Variants in CCDC201 observed in about 807,000 individuals in gnomAD.
CCDC201 encodes coiled-coil domain-containing protein 201.
intron 1 of CCDC201, among the ~76,000 whole-genome samples, chr7:45,870,983 T>A (rs1786736531): frequency 6.6e-6 from 1 of 152,206 alleles, no homozygotes; most frequent in Admixed American, 6.5e-5. Context: ...CAAGGTAACA[T>A]TAAGTATATT....
intron 1 of CCDC201, 98 bp from the exon 2 acceptor site, chr7:45,866,592 G>C (rs1786674725): frequency 6.6e-6 from 1 of 152,226 alleles, no homozygotes; most frequent in Non-Finnish European, 1.5e-5. Context: ...ATTTAAGCAT[G>C]ATGGCCCCAT....
chr7:45,881,160 T>C, the CCDC201 span, among the ~76,000 whole-genome samples: 1 of 152,124 alleles, frequency 6.6e-6, no homozygotes, highest in African/African-American at 2.4e-5. Context: ...AGTTTTTATA[T>C]GGGTGGCGAA....
chr7:45,872,167 C>T lies in CCDC201; in HGVS notation c.18+823G>A, dbSNP rs573478490. ...ATACTTTTGATCACTTTTGAAACCA[C>T]AGGCATGCATTTTCTATTTATAAAT... On this transcript the variant is annotated intron_variant, in intron 1 of 2. Coordinates refer to ENST00000636578, the Ensembl canonical transcript of CCDC201. 2.0e-5 allele frequency among the ~76,000 whole-genome samples: 3 copies of T among 152,316 alleles called. No homozygotes were observed. The East Asian group carries it at 5.8e-4, about 29-fold the overall frequency.
At chr7:45,865,521 C>A (rs911702830) in intron 2 of CCDC201, among the ~76,000 whole-genome samples, 1 of 152,170 alleles carries the variant, frequency 6.6e-6, no homozygotes, top group Non-Finnish European at 1.5e-5. Flanking sequence ...AGGAAGATGC[C>A]AAGAGACTCA....
chr7:45,867,048 A>G (rs1248085516), intron 1 of CCDC201, among the ~76,000 whole-genome samples: 3 of 152,166 alleles, frequency 2.0e-5, no homozygotes, highest in Non-Finnish European at 4.4e-5. Flanking sequence ...CTTCCAAAAG[A>G]ATGCCTTAAG....
chr7:45,865,790 G>A (rs1174805967), intron 2 of CCDC201, among the ~76,000 whole-genome samples: 1 of 152,224 alleles, frequency 6.6e-6, no homozygotes, highest in South Asian at 2.1e-4. Flanking sequence ...TCAGAGCAGA[G>A]AGCTGTCTTG....
chr7:45,881,079 G>T, the CCDC201 span, among the ~76,000 whole-genome samples: 85 of 152,320 alleles, frequency 5.6e-4, no homozygotes, highest in African/African-American at 1.9e-3. Context: ...CACATCTAAC[G>T]TAGTACAGTC....
intron 2 of CCDC201, among the ~76,000 whole-genome samples, chr7:45,864,121 G>A (rs1158771107): frequency 6.6e-6 from 1 of 152,196 alleles, no homozygotes; most frequent in African/African-American, 2.4e-5. Context: ...GTGACCTCTA[G>A]GGAGGCTGCT....
chr7:45,875,107 C>T (rs1583655237), upstream of CCDC201, among the ~76,000 whole-genome samples: 1 of 152,248 alleles, frequency 6.6e-6, no homozygotes, highest in African/African-American at 2.4e-5. Flanking sequence ...TGGATGTACA[C>T]ATGTGTGCAT....
rs188236488 is a variant in CCDC201 at position 45,872,513 on chromosome 7, G to A, written c.18+477C>T. On this transcript the variant is annotated intron_variant, in intron 1 of 2. Transcript: ENST00000636578. ...GGCTGTGGCTAAGGTGGTTCTTAAT[G>A]CTGAGGTTCCAAAGGCCTCATGAGA... Among the ~76,000 whole-genome samples, 50 of 152,354 alleles carry A rather than the reference G, an allele frequency of 3.3e-4. No individual in the cohort carries two copies. In the East Asian group the frequency reaches 9.3e-3, roughly 28 times the overall value.
chr7:45,881,462 G>T, the CCDC201 span, among the ~76,000 whole-genome samples: 1 of 152,240 alleles, frequency 6.6e-6, no homozygotes, highest in Non-Finnish European at 1.5e-5. Flanking sequence ...TAGTAACAGA[G>T]TGTGGGATGC....
chr7:45,871,046 A>G (rs889811536), intron 1 of CCDC201, among the ~76,000 whole-genome samples: 10 of 152,246 alleles, frequency 6.6e-5, no homozygotes, highest in African/African-American at 2.2e-4. Flanking sequence ...TGATCTAAAA[A>G]TCAGTACTTA....
chr7:45,883,339 G>T, the CCDC201 span, among the ~76,000 whole-genome samples: 1 of 152,158 alleles, frequency 6.6e-6, no homozygotes, highest in African/African-American at 2.4e-5. Context: ...TAGCTCTTCA[G>T]CATGAGTATA....
chr7:45,874,558 G>A (rs1300513228), upstream of CCDC201, among the ~76,000 whole-genome samples: 6 of 152,338 alleles, frequency 3.9e-5, no homozygotes, highest in South Asian at 8.3e-4. Flanking sequence ...TGTACAGCAC[G>A]CAGAGCTGAG....
chr7:45,870,855 T>A (rs1263917703), intron 1 of CCDC201, among the ~76,000 whole-genome samples: 1 of 152,132 alleles, frequency 6.6e-6, no homozygotes, highest in Non-Finnish European at 1.5e-5. Context: ...ACTTGGAGAA[T>A]AATCAGCACT....
At chr7:45,878,677 G>A in the CCDC201 span, among the ~76,000 whole-genome samples, 1 of 152,372 alleles carries the variant, frequency 6.6e-6, no homozygotes, top group Non-Finnish European at 1.5e-5. Context: ...GGCCCACAAA[G>A]CCATTTGCCC....
At chr7:45,867,312 C>T (rs1786689454) in intron 1 of CCDC201, among the ~76,000 whole-genome samples, 1 of 152,196 alleles carries the variant, frequency 6.6e-6, no homozygotes, top group Non-Finnish European at 1.5e-5. Context: ...GAGGTAACTG[C>T]CAAAGCAATA....
the CCDC201 span, among the ~76,000 whole-genome samples, chr7:45,883,249 C>T: frequency 2.6e-5 from 4 of 152,076 alleles, no homozygotes; most frequent in African/African-American, 9.7e-5. Context: ...GTGCTTGTCC[C>T]CTGTTCACTA....
At chr7:45,877,710 T>G (rs1484735906), upstream of CCDC201, among the ~76,000 whole-genome samples, 1 of 152,160 alleles carries the variant, frequency 6.6e-6, no homozygotes, top group Non-Finnish European at 1.5e-5. Context: ...GGACCCTCCT[T>G]CAGCATTGGG....
Sources: allele counts gnomAD v4.1 joint callset (sites outside exome capture counted in the v4.1 genomes callset), GRCh38; gene constraint gnomAD v4.1.1; transcripts MANE v1.5; gene names NCBI Gene and HGNC (gene_info 2026-07-23, HGNC 2026-07-21).